Variants in ZNF521 observed in about 807,000 individuals in gnomAD.
ZNF521 encodes the protein LYST-interacting protein 3.
ZNF521 carries 14 observed loss-of-function variants against 105.5 expected under a neutral mutation model. That is an observed-to-expected ratio of 0.13 (90% CI 0.09 to 0.21). ZNF521 has a LOEUF of 0.21. Among genes scored for constraint, ZNF521 ranks in the 10% least tolerant of loss-of-function variants. The pLI is 1.00. For synonymous variants in ZNF521, 635 were observed against 606.0 expected, an observed-to-expected ratio of 1.05 and a Z score of -0.70; for missense variants, 1,233 against 1,629.7, an observed-to-expected ratio of 0.76 and a Z score of 4.19.
intron 7 of ZNF521, among the ~76,000 whole-genome samples, chr18:25,073,017 T>C (rs1469940940): frequency 6.6e-6 from 1 of 152,116 alleles, no homozygotes; most frequent in Non-Finnish European, 1.5e-5. Flanking sequence ...ACCTTAAAGA[T>C]AAATAAATCT....
intron 5 of ZNF521, among the ~76,000 whole-genome samples, chr18:25,188,518 T>C (rs974469749): frequency 2.0e-5 from 3 of 152,194 alleles, no homozygotes; most frequent in Admixed American, 1.3e-4. Flanking sequence ...TATATCTTTT[T>C]AGGTATTACT....
chr18:25,282,187 A>G (rs1910420904), intron 3 of ZNF521, among the ~76,000 whole-genome samples: 1 of 152,184 alleles, frequency 6.6e-6, no homozygotes, highest in Admixed American at 6.5e-5. Context: ...AACACAGAGC[A>G]CCTATGAATA....
intron 7 of ZNF521, among the ~76,000 whole-genome samples, chr18:25,069,177 T>A (rs2033152376): frequency 6.6e-6 from 1 of 152,208 alleles, no homozygotes; most frequent in Non-Finnish European, 1.5e-5. Flanking sequence ...TTATACTTTC[T>A]AATCAAGATT....
At chr18:25,295,615 TA>T (rs201437743) in intron 3 of ZNF521, among the ~76,000 whole-genome samples, 237 of 139,984 alleles carry the variant, frequency 1.7e-3, no homozygotes, top group Middle Eastern at 3.6e-3. Flanking sequence ...CCCAAAAAAG[TA>T]AAAAAAAAAA....
chr18:25,189,958 C>T (rs1011994870), intron 5 of ZNF521, among the ~76,000 whole-genome samples: 2 of 152,178 alleles, frequency 1.3e-5, no homozygotes, highest in African/African-American at 2.4e-5. Context: ...CCATTACCTA[C>T]GTTAATATCA....
intron 3 of ZNF521, among the ~76,000 whole-genome samples, chr18:25,294,909 A>G (rs1419600959): frequency 6.7e-6 from 1 of 149,312 alleles, no homozygotes; most frequent in Non-Finnish European, 1.5e-5. Context: ...AAATCTTTCT[A>G]TACTGCTATC....
At chr18:25,091,403 G>A (rs1434234601) in intron 6 of ZNF521, among the ~76,000 whole-genome samples, 2 of 151,900 alleles carry the variant, frequency 1.3e-5, no homozygotes, top group Admixed American at 6.6e-5. Context: ...AAGTATAAGT[G>A]TAGATCAACT....
Position 25,227,746 on chromosome 18 carries a change from GA to G in ZNF521, c.221-50del, listed in dbSNP as rs750061639. 1.1e-4 allele frequency: 166 copies of G among 1,515,772 alleles called. No homozygotes were observed. The highest frequency in any genetic ancestry group is 1.5e-4 in the Non-Finnish European group (163 of 1,115,604). The allele number at this position is 1,515,772 out of a possible 1,614,324, so 93.9% of individuals were successfully genotyped here. On this transcript the variant is annotated intron_variant, in intron 3 of 7. Transcript: ENST00000361524. This position sits in a 1 kb window ranked among gnomAD's most constrained non-coding sequence, Gnocchi z 5.7. The stretch of plus-strand genomic sequence containing the variant: ...TTTCATCTGACATGTTGAGATTCAA[GA>G]GTGAGTTTACCGTAGCATTTCAACC...
At chr18:25,318,534 T>A (rs1415648477) in intron 3 of ZNF521, among the ~76,000 whole-genome samples, 1 of 152,178 alleles carries the variant, frequency 6.6e-6, no homozygotes. Context: ...CATGGTGGTA[T>A]CAGCAAGCAA....
chr18:25,079,450 T>C (rs564446123), intron 7 of ZNF521, among the ~76,000 whole-genome samples: 23 of 152,294 alleles, frequency 1.5e-4, no homozygotes, highest in Non-Finnish European at 3.1e-4. Flanking sequence ...TAATTTCTAA[T>C]CGACATTTTC....
At position 25,275,306 on chromosome 18, in the gene ZNF521, T is replaced by G. The variant is rs151162343; in HGVS notation, c.220+46702A>C. On this transcript the variant is annotated intron_variant, in intron 3 of 7. Transcript: ENST00000361524. ...ATGGCGCAAAAATTTTTTTAAAAAA[T>G]AGGAAGGTAAAGCCAAGGACATCAC... Among the ~76,000 whole-genome samples the G allele has an allele frequency of 5.3e-3, 808 of 152,184 alleles. 8 individuals carry two copies. Among genetic ancestry groups the G allele is most frequent in the Non-Finnish European group, 8.0e-3 (545 of 67,990 alleles).
intron 5 of ZNF521, among the ~76,000 whole-genome samples, chr18:25,121,256 C>CCTT (rs1171060187): frequency 6.8e-6 from 1 of 147,620 alleles, no homozygotes; most frequent in Non-Finnish European, 1.5e-5. Flanking sequence ...CCGCGCCCAG[C>CCTT]CTTCTTCTTC....
At chr18:25,159,509 C>T (rs1311640520) in intron 5 of ZNF521, among the ~76,000 whole-genome samples, 3 of 120,672 alleles carry the variant, frequency 2.5e-5, no homozygotes, top group Non-Finnish European at 5.5e-5. Context: ...ACGACTAACA[C>T]TAACAAAAAA....
chr18:25,229,370 C>T (rs188004645), intron 3 of ZNF521, among the ~76,000 whole-genome samples: 3 of 152,292 alleles, frequency 2.0e-5, no homozygotes, highest in South Asian at 2.1e-4. Flanking sequence ...AACAAAGCTT[C>T]GCCATACAAG....
At chr18:25,266,086 C>T (rs1381791839) in intron 3 of ZNF521, among the ~76,000 whole-genome samples, 3 of 152,140 alleles carry the variant, frequency 2.0e-5, no homozygotes, top group African/African-American at 4.8e-5. Context: ...TTAATAGGTA[C>T]AAAACATAGA....
intron 4 of ZNF521, among the ~76,000 whole-genome samples, chr18:25,223,778 T>C (rs1463103896): frequency 6.6e-6 from 1 of 151,996 alleles, no homozygotes; most frequent in Non-Finnish European, 1.5e-5. Flanking sequence ...ATAATGGGCA[T>C]GTGGTGCTTA....
rs2036045983 is a variant in ZNF521 at position 25,204,539 on chromosome 18, T to A, written c.3574-9295A>T. On this transcript the variant is annotated intron_variant, in intron 4 of 7. Coordinates refer to ENST00000361524, the MANE Select transcript of ZNF521 (RefSeq NM_015461.3). The stretch of plus-strand genomic sequence containing the variant: ...TACCTTGAAGTTTAGGAATAAAGAG[T>A]CATTTTATTTCTAAGAATAATGTTT... Among the ~76,000 whole-genome samples the A allele has an allele frequency of 1.3e-5, 2 of 152,062 alleles. 1 individual carries two copies. Among genetic ancestry groups the A allele is most frequent in the South Asian group, 4.2e-4 (2 of 4,816 alleles).
chr18:25,331,579 G>A (rs974693852), intron 2 of ZNF521, among the ~76,000 whole-genome samples: 2 of 152,102 alleles, frequency 1.3e-5, no homozygotes, highest in Admixed American at 6.6e-5. Flanking sequence ...AAAAATCTGC[G>A]GCTAAATGCC....
intron 3 of ZNF521, among the ~76,000 whole-genome samples, chr18:25,277,449 C>G (rs529664602): frequency 6.6e-6 from 1 of 152,144 alleles, no homozygotes; most frequent in South Asian, 2.1e-4. Context: ...ATAAATCTAA[C>G]TTGGGTTTTT....
Sources: gnomAD v4.1 joint callset for allele counts (sites outside exome capture counted in the v4.1 genomes callset) on GRCh38, gnomAD v4.1.1 for gene constraint, Gnocchi (gnomAD v3.1) non-coding constraint, MANE v1.5 for transcripts, NCBI Gene and HGNC (gene_info 2026-07-23, HGNC 2026-07-21) for gene names.